SORCS2: variants seen among roughly 807,000 people sequenced by gnomAD.
SORCS2 encodes the protein VPS10 domain-containing receptor SorCS2.
In SORCS2, 100 loss-of-function variants were observed where a neutral mutation model predicts 141.6. That is an observed-to-expected ratio of 0.71 (90% CI 0.60 to 0.83). SORCS2 has a LOEUF of 0.83. Ranked by LOEUF, SORCS2 falls within the 40% of genes least tolerant of loss-of-function variation. The pLI is 0.00. For missense variants in SORCS2, 1,646 were observed against 1,560.2 expected, an observed-to-expected ratio of 1.05 and a Z score of -0.93; for synonymous variants, 789 against 676.9, an observed-to-expected ratio of 1.17 and a Z score of -2.57.
chr4:7,418,434 A>G (rs1725833063), intron 2 of SORCS2, among the ~76,000 whole-genome samples: 2 of 152,172 alleles, frequency 1.3e-5, no homozygotes, highest in South Asian at 4.1e-4. Context: ...AGTTAGAGGG[A>G]GTATTTCAGA....
chr4:7,715,433 G>A, intron 17 of SORCS2, 122 bp downstream of exon 17: 2 of 1,438,156 alleles, frequency 1.4e-6, no homozygotes, highest in South Asian at 1.4e-5. Context: ...GTCGGGGAAA[G>A]AGAGGTCAAA....
At chr4:7,446,250 C>T (rs1344798998) in intron 2 of SORCS2, among the ~76,000 whole-genome samples, 7 of 152,116 alleles carry the variant, frequency 4.6e-5, no homozygotes, top group African/African-American at 1.4e-4. Context: ...CCTCTGATGT[C>T]GCACAGTGAG....
At chr4:7,348,147 T>C (rs1405548162) in intron 1 of SORCS2, among the ~76,000 whole-genome samples, 2 of 152,246 alleles carry the variant, frequency 1.3e-5, no homozygotes, top group Non-Finnish European at 2.9e-5. Flanking sequence ...GGAGCCGATG[T>C]GAGACAGGTC....
intron 21 of SORCS2, among the ~76,000 whole-genome samples, 165 bp downstream of exon 21, chr4:7,727,068 G>T (rs1727273658): frequency 6.6e-6 from 1 of 152,176 alleles, no homozygotes; most frequent in Non-Finnish European, 1.5e-5. Context: ...TGGCTGTGTG[G>T]CCTGGGCAAA....
chr4:7,338,913 C>T (rs1030336960), intron 1 of SORCS2, among the ~76,000 whole-genome samples: 3 of 152,130 alleles, frequency 2.0e-5, no homozygotes, highest in Non-Finnish European at 2.9e-5. Flanking sequence ...GTGCTGGGGC[C>T]GTGAAGCCAT....
intron 1 of SORCS2, among the ~76,000 whole-genome samples, chr4:7,317,747 A>G (rs1718654502): frequency 6.6e-6 from 1 of 152,170 alleles, no homozygotes; most frequent in Non-Finnish European, 1.5e-5. Context: ...TTTCACCCAT[A>G]TCACTTCCAG....
chr4:7,614,881 C>T (rs1490640449), intron 3 of SORCS2, among the ~76,000 whole-genome samples: 1 of 151,388 alleles, frequency 6.6e-6, no homozygotes, highest in Non-Finnish European at 1.5e-5. Context: ...CTCATCCACC[C>T]ATCTGCCATC....
intron 1 of SORCS2, among the ~76,000 whole-genome samples, chr4:7,328,018 C>A (rs1472094696): frequency 1.1e-5 from 1 of 88,698 alleles, no homozygotes; most frequent in Non-Finnish European, 2.2e-5. Flanking sequence ...TCGTGCTAGG[C>A]TTTTTTTTTT....
At chr4:7,446,892 A>G (rs532684798) in intron 2 of SORCS2, among the ~76,000 whole-genome samples, 3 of 152,306 alleles carry the variant, frequency 2.0e-5, no homozygotes, top group Admixed American at 6.5e-5. Context: ...CCCATTTCCC[A>G]TTGCAGAAAC....
At chr4:7,537,825 A>G (rs1712254514) in intron 3 of SORCS2, among the ~76,000 whole-genome samples, 2 of 152,128 alleles carry the variant, frequency 1.3e-5, no homozygotes, top group Non-Finnish European at 2.9e-5. Context: ...TGGCCAACAT[A>G]AAAACATAAA....
At chr4:7,636,129 C>T (rs559254640) in intron 3 of SORCS2, among the ~76,000 whole-genome samples, 52 of 152,238 alleles carry the variant, frequency 3.4e-4, no homozygotes, top group East Asian at 5.8e-4. Flanking sequence ...TCCAGCCCCA[C>T]GCGAGGCCCA....
intron 1 of SORCS2, among the ~76,000 whole-genome samples, chr4:7,218,919 G>T (rs1012912137): frequency 2.6e-5 from 4 of 152,066 alleles, no homozygotes; most frequent in Non-Finnish European, 5.9e-5. Flanking sequence ...TGCACTGCCC[G>T]CAGGCACTCT....
chr4:7,651,341 A>G (rs931115234), intron 4 of SORCS2, among the ~76,000 whole-genome samples: 1 of 152,126 alleles, frequency 6.6e-6, no homozygotes, highest in Non-Finnish European at 1.5e-5. Context: ...GCTGGGGAAA[A>G]CTGAGGCCTG....
chr4:7,322,696 C>G (rs1015319533), intron 1 of SORCS2, among the ~76,000 whole-genome samples: 2 of 152,248 alleles, frequency 1.3e-5, no homozygotes, highest in African/African-American at 4.8e-5. Context: ...GGGCTGCACA[C>G]ACTCCGTGGA....
At chr4:7,636,845 A>G (rs149532875) in intron 3 of SORCS2, among the ~76,000 whole-genome samples, 38 of 152,214 alleles carry the variant, frequency 2.5e-4, no homozygotes, top group African/African-American at 8.2e-4. Context: ...AACAGCAGCA[A>G]TGTATCCTCT....
chr4:7,486,282 C>T (rs1257424185), intron 2 of SORCS2, among the ~76,000 whole-genome samples: 1 of 152,282 alleles, frequency 6.6e-6, no homozygotes, highest in Non-Finnish European at 1.5e-5. Context: ...GGCTGGCCCA[C>T]AGTCAGCTGG....
chr4:7,282,444 A>C (rs969860697), intron 1 of SORCS2, among the ~76,000 whole-genome samples: 14 of 152,344 alleles, frequency 9.2e-5, no homozygotes, highest in African/African-American at 3.4e-4. Context: ...AGAACTCAGG[A>C]TCACAGGGTA....
chr4:7,285,036 A>ATGT, intron 1 of SORCS2, among the ~76,000 whole-genome samples: 1 of 140,120 alleles, frequency 7.1e-6, no homozygotes, highest in South Asian at 2.3e-4. Flanking sequence ...ATATATATAT[A>ATGT]TTTTTTTTTT....
chr4:7,551,542 C>T (rs1713702806), intron 3 of SORCS2, among the ~76,000 whole-genome samples: 1 of 152,154 alleles, frequency 6.6e-6, no homozygotes, highest in Admixed American at 6.6e-5. Context: ...GGAGATGATG[C>T]CCTGGGCTGA....
Sources: allele counts gnomAD v4.1 joint callset (sites outside exome capture counted in the v4.1 genomes callset), GRCh38; gene constraint gnomAD v4.1.1; transcripts MANE v1.5; gene names NCBI Gene and HGNC (gene_info 2026-07-23, HGNC 2026-07-21).